The following TSPAN9 variants were observed in gnomAD, a reference collection of about 807,000 sequenced individuals.
The protein encoded by TSPAN9 is tetraspanin-9.
Under a neutral mutation model 31.0 loss-of-function variants are expected in TSPAN9, and 16 were observed. The observed-to-expected ratio is 0.52, with a 90% confidence interval of 0.35 to 0.78. The LOEUF (loss-of-function observed/expected upper bound fraction) is 0.78, where lower values mean the gene tolerates loss of function less well. Ranked by LOEUF, TSPAN9 falls within the 30% of genes least tolerant of loss-of-function variation. The pLI is 0.01. For synonymous variants in TSPAN9, 145 were observed against 121.6 expected (o/e 1.19, Z -1.27); for missense variants, 272 against 312.5 (o/e 0.87, Z 0.98).
chr12:3,195,193 G>A (rs1321813994), intron 2 of TSPAN9, among the ~76,000 whole-genome samples: 2 of 152,184 alleles, frequency 1.3e-5, no homozygotes, highest in East Asian at 3.9e-4. Flanking sequence ...TCAGAAAGGG[G>A]CTGTGGGCTG....
chr12:3,267,606 T>C (rs895285455), intron 3 of TSPAN9, among the ~76,000 whole-genome samples: 11 of 152,224 alleles, frequency 7.2e-5, no homozygotes, highest in African/African-American at 2.7e-4. Context: ...TGTGCTTTGA[T>C]GCTGTCAGAA....
chr12:3,259,135 A>G (rs1342431374), intron 3 of TSPAN9, among the ~76,000 whole-genome samples: 1 of 152,172 alleles, frequency 6.6e-6, no homozygotes, highest in Non-Finnish European at 1.5e-5. Context: ...GTATGTGAGG[A>G]ATGAAGGCAT....
In TSPAN9 at chr12:3,187,337, T is replaced by C. The variant is rs1393141208; in HGVS notation, c.-17-13840T>C. On this transcript the variant is annotated intron_variant, in intron 2 of 8. Coordinates refer to ENST00000011898, the MANE Select transcript of TSPAN9 (RefSeq NM_006675.5). This position sits in a 1 kb window ranked among gnomAD's most constrained non-coding sequence, Gnocchi z 5.2. Reference sequence around the variant, plus strand: ...CTTTTCCTAGCTGGGTAATCCTAAATGCATGAGTGTCCTCTCAGCCTGCTT... The same window carrying C: ...CTTTTCCTAGCTGGGTAATCCTAAACGCATGAGTGTCCTCTCAGCCTGCTT... Among the ~76,000 whole-genome samples, 1 of 152,168 alleles carries C rather than the reference T, an allele frequency of 6.6e-6. No homozygotes were observed. Among genetic ancestry groups the C allele is most frequent in the Non-Finnish European group, 1.5e-5 (1 of 68,020 alleles).
At chr12:3,180,476 C>T (rs1222787120) in intron 2 of TSPAN9, among the ~76,000 whole-genome samples, 1 of 134,304 alleles carries the variant, frequency 7.4e-6, no homozygotes, top group African/African-American at 2.8e-5. Context: ...GATGCTGTAT[C>T]TAAAAGAAAA....
At chr12:3,237,286 C>G (rs2098394288) in intron 3 of TSPAN9, among the ~76,000 whole-genome samples, 1 of 152,184 alleles carries the variant, frequency 6.6e-6, no homozygotes, top group Non-Finnish European at 1.5e-5. Context: ...TATTCCTGGG[C>G]TTGCCTCCTG....
intron 2 of TSPAN9, among the ~76,000 whole-genome samples, chr12:3,182,052 T>C (rs527289807): frequency 6.6e-6 from 1 of 152,052 alleles, no homozygotes; most frequent in African/African-American, 2.4e-5. Flanking sequence ...CCGTGTGTGA[T>C]GTAGGGTAGA....
intron 2 of TSPAN9, among the ~76,000 whole-genome samples, chr12:3,195,645 T>C (rs2098366689): frequency 1.3e-5 from 2 of 152,138 alleles, no homozygotes; most frequent in South Asian, 4.1e-4. Context: ...CACTGGTCTT[T>C]TCATCTCTTG....
rs547095792 is a variant in TSPAN9 at position 3,121,918 on chromosome 12, G to C, written c.-18+38199G>C. 7.9e-5 allele frequency among the ~76,000 whole-genome samples: 12 copies of C among 152,294 alleles called. No individual in the cohort carries two copies. The East Asian group carries it at 2.3e-3, about 29-fold the overall frequency. On this transcript the variant is annotated intron_variant, in intron 2 of 8. Transcript: ENST00000011898. ...TGACTGAAGGCTGTGATGTTATACT[G>C]TATCAGTCACACAGCTACTGTTAGG...
intron 2 of TSPAN9, among the ~76,000 whole-genome samples, chr12:3,131,923 C>T (rs1267797239): frequency 6.6e-6 from 1 of 152,174 alleles, no homozygotes; most frequent in Admixed American, 6.5e-5. Flanking sequence ...CACCCCTTAC[C>T]TGTGACCCCC....
At chr12:3,140,303 A>G (rs2098334179) in intron 2 of TSPAN9, among the ~76,000 whole-genome samples, 2 of 151,944 alleles carry the variant, frequency 1.3e-5, no homozygotes, top group African/African-American at 2.4e-5. Context: ...TACCAAGGAA[A>G]CTTGTAGGGA....
intron 3 of TSPAN9, among the ~76,000 whole-genome samples, chr12:3,227,836 C>T (rs752595402): frequency 6.6e-6 from 1 of 152,090 alleles, no homozygotes; most frequent in Non-Finnish European, 1.5e-5. Context: ...TGGTCCTGCT[C>T]GGGTAGGCTG....
intron 2 of TSPAN9, chr12:3,173,057 A>G (rs1478348725): frequency 1.3e-5 from 2 of 152,164 alleles, no homozygotes; most frequent in African/African-American, 4.8e-5. Flanking sequence ...GAACATTACC[A>G]CAGCTTCCTG....
At chr12:3,279,106 C>T (rs1402421630) in intron 5 of TSPAN9, 40 bp downstream of exon 5, 4 of 1,592,474 alleles carry the variant, frequency 2.5e-6, no homozygotes, top group South Asian at 2.2e-5. Flanking sequence ...TGGAATGTCA[C>T]TGCCCTTAGA....
At chr12:3,078,020 T>TA (rs1565566953) in intron 1 of TSPAN9, among the ~76,000 whole-genome samples, 1 of 152,188 alleles carries the variant, frequency 6.6e-6, no homozygotes, top group African/African-American at 2.4e-5. Context: ...TTGTGGTTTT[T>TA]AAAAAAAGAT....
intron 2 of TSPAN9, among the ~76,000 whole-genome samples, chr12:3,109,299 T>TGTGAGAGAGA (rs1274383200): frequency 3.1e-4 from 37 of 118,344 alleles, no homozygotes; most frequent in East Asian, 7.1e-4. Context: ...TGTGTGTGTG[T>TGTGAGAGAGA]GAGAGAGAGT....
At chr12:3,084,448 G>A (rs903638387) in intron 2 of TSPAN9, among the ~76,000 whole-genome samples, 1 of 151,876 alleles carries the variant, frequency 6.6e-6, no homozygotes, top group African/African-American at 2.4e-5. Flanking sequence ...TGGTGTAGTC[G>A]GTGGAGCAGG....
Position 3,203,351 on chromosome 12 carries a change from G to T in TSPAN9, c.63+2095G>T, listed in dbSNP as rs374722835. Among the ~76,000 whole-genome samples the T allele has an allele frequency of 1.4e-4, 22 of 152,336 alleles. No individual in the cohort carries two copies. The Middle Eastern group carries it at 0.02, about 141-fold the overall frequency. ...GTAAATCCACAACATGTTGTCATGT[G>T]GTAGTGGTTCCTGAGTTCCACTTGA... On this transcript the variant is annotated intron_variant, in intron 3 of 8. Coordinates refer to ENST00000011898, the MANE Select transcript of TSPAN9 (RefSeq NM_006675.5).
chr12:3,244,093 G>A (rs990750157), intron 3 of TSPAN9, among the ~76,000 whole-genome samples: 2 of 152,328 alleles, frequency 1.3e-5, no homozygotes, highest in East Asian at 3.9e-4. Context: ...GGAGCACTTT[G>A]TCCCCCACAG....
rs1862956192 is a variant in TSPAN9, at chr12:3,283,910, C to G, written c.*794C>G. ...CACGGGACCTTGCCAGGCCTGGTGTCTGAGGACAGGAGCCTGGGAGAGGCG... is the reference window on the plus strand; with the variant it reads ...CACGGGACCTTGCCAGGCCTGGTGTGTGAGGACAGGAGCCTGGGAGAGGCG... On this transcript the variant is annotated 3_prime_UTR_variant, in exon 9 of 9. Coordinates refer to ENST00000011898, the MANE Select transcript of TSPAN9 (RefSeq NM_006675.5). 6.6e-6 allele frequency: 1 copy of G among 152,564 alleles called. No individual in the cohort carries two copies. The highest frequency in any genetic ancestry group is 2.4e-5 in the African/African-American group (1 of 41,456). The allele number at this position is 152,564 out of a possible 1,614,324, so 9.5% of individuals were successfully genotyped here. A position where few individuals can be genotyped will look rare whatever the true frequency, so the allele number is the denominator to read the frequency against.
Sources: gnomAD v4.1 joint callset for allele counts (sites outside exome capture counted in the v4.1 genomes callset) on GRCh38, gnomAD v4.1.1 for gene constraint, Gnocchi (gnomAD v3.1) non-coding constraint, MANE v1.5 for transcripts, NCBI Gene and HGNC (gene_info 2026-07-23, HGNC 2026-07-21) for gene names.